The following XNDC1N variants were observed in gnomAD, a reference collection of about 807,000 sequenced individuals.
The protein encoded by XNDC1N is XRCC1 N-terminal domain containing 1, N-terminal like, also known as protein XNDC1N.
chr11:71,921,376 T>G, the XNDC1N span, among the ~76,000 whole-genome samples: 1 of 152,114 alleles, frequency 6.6e-6, no homozygotes, highest in African/African-American at 2.4e-5. Context: ...ACTCCTGGGC[T>G]CAAGCAATCT....
chr11:71,917,389 T>C, the XNDC1N span: 2 of 614,110 alleles, frequency 3.3e-6, no homozygotes, highest in Admixed American at 5.5e-5. Context: ...TATATAAATA[T>C]AAATAGTTCA....
chr11:71,868,679 T>A, the XNDC1N span, among the ~76,000 whole-genome samples: 235 of 152,312 alleles, frequency 1.5e-3, 2 homozygotes, highest in Admixed American at 7.5e-3. Context: ...CCTTTGTGGG[T>A]TACCTGCTCC....
chr11:71,867,959 T>G, the XNDC1N span, among the ~76,000 whole-genome samples: 2 of 152,232 alleles, frequency 1.3e-5, no homozygotes, highest in Non-Finnish European at 2.9e-5. Context: ...TTTTATGAAT[T>G]TGCGCACACT....
chr11:71,878,466 T>C, the XNDC1N span: 1 of 1,611,788 alleles, frequency 6.2e-7, no homozygotes, highest in African/African-American at 1.3e-5. Flanking sequence ...AGGGTCTTGT[T>C]TTTTGTCTTT....
the XNDC1N span, among the ~76,000 whole-genome samples, chr11:71,875,088 A>G: frequency 6.6e-6 from 1 of 152,212 alleles, no homozygotes; most frequent in African/African-American, 2.4e-5. Context: ...AAATAGTGAA[A>G]TTATAAACAC....
the XNDC1N span, among the ~76,000 whole-genome samples, chr11:71,909,910 G>A: frequency 1.6e-4 from 25 of 152,272 alleles, no homozygotes; most frequent in East Asian, 3.5e-3. Flanking sequence ...GACCCTTATG[G>A]TTCTCCGAGA....
the XNDC1N span, chr11:71,917,503 C>A: frequency 1.4e-6 from 1 of 693,582 alleles, no homozygotes; most frequent in Non-Finnish European, 2.6e-6. Context: ...TATAATTAAA[C>A]CCCTGCACAG....
chr11:71,913,954 C>A, the XNDC1N span, among the ~76,000 whole-genome samples: 2 of 152,158 alleles, frequency 1.3e-5, no homozygotes, highest in East Asian at 1.9e-4. Flanking sequence ...TATTTTAAAC[C>A]CACAGTTGAA....
chr11:71,918,491 A>T, the XNDC1N span, among the ~76,000 whole-genome samples: 158 of 152,252 alleles, frequency 1.0e-3, 1 homozygote, highest in African/African-American at 3.8e-3. Context: ...CATGTTGCCC[A>T]GGCTGATCTC....
chr11:71,923,559 TG>T, the XNDC1N span: 4 of 465,690 alleles, frequency 8.6e-6, no homozygotes, highest in East Asian at 6.5e-5. Context: ...ATTTCTGTTT[TG>T]TTTTTTTTTT....
chr11:71,888,992 T>A, the XNDC1N span, among the ~76,000 whole-genome samples: 1 of 152,176 alleles, frequency 6.6e-6, no homozygotes, highest in East Asian at 1.9e-4. Context: ...GGAACTATAC[T>A]TGGATGGGAG....
the XNDC1N span, among the ~76,000 whole-genome samples, chr11:71,875,608 G>A: frequency 2.0e-5 from 3 of 151,888 alleles, no homozygotes; most frequent in Non-Finnish European, 2.9e-5. Flanking sequence ...TTCCTGAGGG[G>A]GAAAGGGAAA....
the XNDC1N span, among the ~76,000 whole-genome samples, chr11:71,891,291 C>A: frequency 2.7e-5 from 4 of 150,392 alleles, no homozygotes; most frequent in African/African-American, 1.0e-4. Context: ...CTGTGGAAAC[C>A]CCCTGCGGTC....
chr11:71,919,460 C>T, the XNDC1N span, among the ~76,000 whole-genome samples: 1 of 151,626 alleles, frequency 6.6e-6, no homozygotes, highest in Non-Finnish European at 1.5e-5. Flanking sequence ...ACAATCTCGG[C>T]TCACTGCAAC....
chr11:71,887,399 A>ACG, the XNDC1N span, among the ~76,000 whole-genome samples: 1 of 152,136 alleles, frequency 6.6e-6, no homozygotes, highest in African/African-American at 2.4e-5. Context: ...TTGACAGAGC[A>ACG]CGGCTCTTTG....
At chr11:71,891,243 C>T in the XNDC1N span, among the ~76,000 whole-genome samples, 33 of 151,436 alleles carry the variant, frequency 2.2e-4, no homozygotes, top group African/African-American at 8.0e-4. Flanking sequence ...GTCATATCAT[C>T]CTCTCTCCCT....
At chr11:71,883,071 A>G in the XNDC1N span, among the ~76,000 whole-genome samples, 1 of 152,192 alleles carries the variant, frequency 6.6e-6, no homozygotes, top group Non-Finnish European at 1.5e-5. Flanking sequence ...AAAATTGCAG[A>G]CATTCATGAA....
At chr11:71,903,190 T>C in the XNDC1N span, 20 of 726,036 alleles carry the variant, frequency 2.8e-5, no homozygotes, top group Middle Eastern at 2.6e-4. Context: ...ATCCAAACGA[T>C]ACAGACCCAC....
chr11:71,922,217 G>A, the XNDC1N span, among the ~76,000 whole-genome samples: 2 of 152,194 alleles, frequency 1.3e-5, no homozygotes, highest in African/African-American at 4.8e-5. Context: ...GGTAAGGAGG[G>A]TAAGTGTAAT....
Sources: allele counts gnomAD v4.1 joint callset (sites outside exome capture counted in the v4.1 genomes callset), GRCh38; gene constraint gnomAD v4.1.1; transcripts MANE v1.5; gene names NCBI Gene and HGNC (gene_info 2026-07-23, HGNC 2026-07-21).